RIF1: variants seen among roughly 807,000 people sequenced by gnomAD.
RIF1 encodes replication timing regulatory factor 1.
A neutral mutation model predicts 247.1 loss-of-function variants in RIF1; 45 were observed. The observed-to-expected ratio is 0.18, with a 90% CI of 0.14 to 0.23. The LOEUF (loss-of-function observed/expected upper bound fraction) is 0.23, where lower values mean the gene tolerates loss of function less well. Ranked by LOEUF, RIF1 falls within the 10% of genes least tolerant of loss-of-function variation. RIF1 has a pLI of 1.00. For synonymous variants in RIF1, 1,087 were observed against 978.8 expected (o/e 1.11, Z -2.06); for missense variants, 2,967 against 2,862.5 (o/e 1.04, Z -0.83).
At chr2:151,517,748 C>CT in the RIF1 span, among the ~76,000 whole-genome samples, 1 of 152,188 alleles carries the variant, frequency 6.6e-6, no homozygotes, top group South Asian at 2.1e-4. Flanking sequence ...CTTGATACCT[C>CT]TAAGCATAGA....
At chr2:151,414,023 G>C (rs1392440541) in intron 3 of RIF1, among the ~76,000 whole-genome samples, 1 of 152,124 alleles carries the variant, frequency 6.6e-6, no homozygotes. Context: ...TTAAATTCTA[G>C]ATTGACAGCC....
intron 21 of RIF1, among the ~76,000 whole-genome samples, chr2:151,453,910 T>G (rs1164633393): frequency 6.6e-6 from 1 of 152,222 alleles, no homozygotes; most frequent in Non-Finnish European, 1.5e-5. Context: ...TTTCTGTATT[T>G]TTCTCTACTG....
chr2:151,438,316 CA>C (rs973492722), intron 13 of RIF1, among the ~76,000 whole-genome samples: 8 of 150,278 alleles, frequency 5.3e-5, no homozygotes, highest in Admixed American at 1.3e-4. Flanking sequence ...GCTATCTTTA[CA>C]AAAAAAAATA....
chr2:151,422,745 C>T (rs1009453724), intron 7 of RIF1, among the ~76,000 whole-genome samples: 2 of 151,692 alleles, frequency 1.3e-5, no homozygotes, highest in Non-Finnish European at 2.9e-5. Context: ...AGAGTGAGGC[C>T]GAGGCAGGTG....
chr2:151,529,336 CAA>C, the RIF1 span: 1 of 1,494,664 alleles, frequency 6.7e-7, no homozygotes, highest in Non-Finnish European at 9.3e-7. Flanking sequence ...AACACAGTGA[CAA>C]GATTAATTTT....
Position 151,434,167 on chromosome 2 carries a change from CA to C in RIF1, c.1077+954del, listed in dbSNP as rs1230432491. ...CAGGCAACAGAGTGAGACTCCATCT[CA>C]AAAAAAAAAAAAAAGAGAGAAATCA... On this transcript the variant is annotated intron_variant, in intron 10 of 35. Coordinates refer to ENST00000444746, the MANE Select transcript of RIF1 (RefSeq NM_018151.5). Among the ~76,000 whole-genome samples the C allele has an allele frequency of 5.3e-3, 588 of 110,412 alleles. 2 individuals are homozygous for C. Among genetic ancestry groups the C allele is most frequent in the African/African-American group, 0.015 (423 of 27,302 alleles). 72.4% of individuals were successfully genotyped at this position (110,412 alleles called of 152,430 possible).
At chr2:151,436,758 TG>T in intron 11 of RIF1, 68 bp from the exon 12 acceptor site, 1 of 1,086,796 alleles carries the variant, frequency 9.2e-7, no homozygotes, top group Non-Finnish European at 1.3e-6. Context: ...TGAAATGAAA[TG>T]TATGCATTTG....
chr2:151,526,056 C>T, the RIF1 span: 1 of 1,613,794 alleles, frequency 6.2e-7, no homozygotes, highest in Non-Finnish European at 8.5e-7. Flanking sequence ...TTGACATGGT[C>T]CTTGTACTTG....
chr2:151,498,455 A>T (rs2061849074), intron 10 of RIF1: 2 of 751,078 alleles, frequency 2.7e-6, no homozygotes, highest in East Asian at 5.4e-5. Context: ...AGAGTAAGTT[A>T]GAGGAAGAGA....
intron 18 of RIF1, 25 bp from the exon 19 acceptor site, chr2:151,445,313 A>G (rs1693069704): frequency 2.3e-6 from 3 of 1,287,112 alleles, no homozygotes; most frequent in African/African-American, 1.5e-5. Flanking sequence ...TAATTTGTCT[A>G]ACTTCATTAT....
the RIF1 span, among the ~76,000 whole-genome samples, chr2:151,517,971 T>C: frequency 6.6e-6 from 1 of 152,172 alleles, no homozygotes; most frequent in Admixed American, 6.5e-5. Flanking sequence ...ACTTCTCTGT[T>C]TGAAATCTTC....
chr2:151,463,573 G>A lies in RIF1; in HGVS notation c.4053G>A (p.Glu1351=). 1 of 1,613,900 alleles carries A rather than the reference G, an allele frequency of 6.2e-7. No homozygotes were observed. The highest frequency in any genetic ancestry group is 8.5e-7 in the Non-Finnish European group (1 of 1,179,974). ...NQVHLSESTM[E]HDNTKLKAAT... ...TTCATCTTTCTGAATCTACAATGGA[G>A]CATGACAATACAAAGCTTAAAGCAG... The change falls in exon 30 of 36, where the codon GAG becomes GAA. Residue 1351 remains glutamate, a synonymous_variant. Transcript: ENST00000444746.
intron 9 of RIF1, among the ~76,000 whole-genome samples, chr2:151,432,646 G>A (rs906291147): frequency 5.9e-5 from 9 of 152,282 alleles, no homozygotes; most frequent in African/African-American, 1.9e-4. Flanking sequence ...TGCTAAAGCA[G>A]CTAGGACAGT....
In RIF1 at chr2:151,439,696, A is replaced by G. The variant is rs1456983587; in HGVS notation, c.1547-331A>G. ...AAAAAAAAAAAAAAGTAAATACACCATTCTCAGCCAGGCATGGTGGCTGAC... is the reference window on the plus strand; with the variant it reads ...AAAAAAAAAAAAAAGTAAATACACCGTTCTCAGCCAGGCATGGTGGCTGAC... On this transcript the variant is annotated intron_variant, in intron 14 of 35. Coordinates refer to ENST00000444746, the MANE Select transcript of RIF1 (RefSeq NM_018151.5). Among the ~76,000 whole-genome samples, 4 of 149,886 alleles carry G rather than the reference A, an allele frequency of 2.7e-5. No individual in the cohort carries two copies. The East Asian group carries it at 7.9e-4, about 30-fold the overall frequency.
In RIF1 at chr2:151,458,813, C is replaced by T. The variant is rs1434519127; in HGVS notation, c.2858C>T (p.Pro953Leu). ...MMLVYPEELK[P>L]VLTQAKQKFL... ...ATATTTTATGTACTTTTTTAAAGAC[C>T]AGTACTAACACAAGCCAAACAAAAA... Residue 953 changes from proline (P) to leucine (L), a missense_variant and splice_region_variant, in exon 25 of 36, where the codon CCA becomes CTA. This residue lies in a region of RIF1 where 2,028 missense variants were observed against 1,825.6 expected (regional missense o/e 1.11). Transcript: ENST00000444746. 6.3e-6 allele frequency: 10 copies of T among 1,590,160 alleles called. No individual in the cohort carries two copies. Among genetic ancestry groups the T allele is most frequent in the Non-Finnish European group, 7.7e-6 (9 of 1,163,094 alleles).
Position 151,473,995 on chromosome 2 carries a change from T to G in RIF1, c.7127T>G (p.Val2376Gly), listed in dbSNP as rs368499844. The G allele has an allele frequency of 1.8e-5, 28 of 1,597,310 alleles. No individual in the cohort carries two copies. In the African/African-American group the frequency reaches 3.4e-4, roughly 19 times the overall value. The change falls in exon 35 of 36, where the codon GTT becomes GGT. Residue 2376 changes from valine (V) to glycine (G), a missense_variant. Transcript: ENST00000444746. ...ACTCGTGGACTAGAAGAGATTCCAG[T>G]TTTTGATATTTCTGAAAAAACAGTA... is the stretch of plus-strand genomic sequence containing the variant. ...VKTRGLEEIP[V>G]FDISEKTVNG...
the RIF1 span, chr2:151,525,868 A>G: frequency 1.0e-6 from 1 of 976,204 alleles, no homozygotes; most frequent in Non-Finnish European, 1.7e-6. Flanking sequence ...AAGCTACATA[A>G]AGGAAGCAAA....
At chr2:151,527,011 CT>C in the RIF1 span, 1 of 1,593,426 alleles carries the variant, frequency 6.3e-7, no homozygotes, top group South Asian at 1.1e-5. Context: ...CCCGGTCCAG[CT>C]TATATTCAAA....
At chr2:151,500,409 AG>A (rs1383567917) in intron 11 of RIF1, among the ~76,000 whole-genome samples, 2 of 128,088 alleles carry the variant, frequency 1.6e-5, no homozygotes, top group African/African-American at 5.6e-5. Flanking sequence ...TAGAAGCTTC[AG>A]AGTTGTATAT....
Sources: allele counts gnomAD v4.1 joint callset (sites outside exome capture counted in the v4.1 genomes callset), GRCh38; gene constraint gnomAD v4.1.1; regional missense constraint gnomAD v4.1.1; transcripts MANE v1.5; gene names NCBI Gene and HGNC (gene_info 2026-07-23, HGNC 2026-07-21).